Variants in PISD observed in about 807,000 individuals in gnomAD.
The protein encoded by PISD is phosphatidylserine decarboxylase proenzyme, mitochondrial.
A neutral mutation model predicts 43.5 loss-of-function variants in PISD; 31 were observed. The observed-to-expected ratio is 0.71, with a 90% CI of 0.54 to 0.96. PISD has a LOEUF of 0.96. PISD is among the 40% of genes least tolerant of loss of function. PISD has a pLI of 0.00. For missense variants in PISD, 523 were observed against 548.4 expected (o/e 0.95, Z 0.46); for synonymous variants, 259 against 228.7 (o/e 1.13, Z -1.20).
chr22:31,634,459 C>G (rs1487560070), intron 3 of PISD, among the ~76,000 whole-genome samples: 3 of 152,236 alleles, frequency 2.0e-5, no homozygotes, highest in African/African-American at 4.8e-5. Context: ...CCCGGATACC[C>G]CTGGCACATT....
chr22:31,658,537 A>G (rs1384185024), intron 1 of PISD, among the ~76,000 whole-genome samples: 8 of 142,666 alleles, frequency 5.6e-5, no homozygotes, highest in South Asian at 2.1e-4. Flanking sequence ...CATCCTGGTT[A>G]TAAGTTTGTT....
At position 31,618,551 on chromosome 22, in the gene PISD, A is replaced by C. The variant is rs1041426712; in HGVS notation, c.*1061T>G. ...GCAATTAAATGAATTACTGTTCAGA[A>C]GTCTCCCACTTTTCATACAAAAATA... On this transcript the variant is annotated 3_prime_UTR_variant, in exon 8 of 8. Transcript: ENST00000439502. 1.1e-6 allele frequency: 1 copy of C among 917,624 alleles called. No individual in the cohort carries two copies. The highest frequency in any genetic ancestry group is 1.5e-6 in the Non-Finnish European group (1 of 655,696). The allele number at this position is 917,624 out of a possible 1,614,324, so 56.8% of individuals were successfully genotyped here. A position where few individuals can be genotyped will look rare whatever the true frequency, so the allele number is the denominator to read the frequency against.
At chr22:31,641,541 G>A (rs191263201) in intron 3 of PISD, among the ~76,000 whole-genome samples, 17 of 152,290 alleles carry the variant, frequency 1.1e-4, no homozygotes, top group Non-Finnish European at 1.5e-5. Context: ...TTGTGGCCAG[G>A]TGCGGTGGCT....
Position 31,619,710 on chromosome 22 carries a change from A to AGCCCAGGTTGAACTC in PISD, c.1117_1131dup (p.Glu373_Gly377dup). 6.2e-7 allele frequency: 1 copy of AGCCCAGGTTGAACTC among 1,614,204 alleles called. No homozygotes were observed. Among genetic ancestry groups the AGCCCAGGTTGAACTC allele is most frequent in the East Asian group, 2.2e-5 (1 of 44,894 alleles). ...GCCTCGAAGATGAGCACGATGGTGG[A>AGCCCAGGTTGAACTC]GCCCAGGTTGAACTCGCCCAGGTGC... On this transcript the variant is annotated inframe_insertion, in exon 8 of 8. Coordinates refer to ENST00000439502, the MANE Select transcript of PISD (RefSeq NM_001326411.2).
intron 3 of PISD, chr22:31,628,956 C>G (rs1164197301): frequency 2.0e-6 from 2 of 985,284 alleles, no homozygotes; most frequent in African/African-American, 3.5e-5. Context: ...AAAACAGGAA[C>G]CCAAACTTGC....
intron 3 of PISD, among the ~76,000 whole-genome samples, chr22:31,636,664 C>T (rs1013091537): frequency 5.0e-4 from 76 of 152,270 alleles, no homozygotes; most frequent in Non-Finnish European, 9.4e-4. Flanking sequence ...CTCAGCCTCC[C>T]AAGTAGCTGG....
At chr22:31,653,590 G>A (rs2074090753) in intron 1 of PISD, among the ~76,000 whole-genome samples, 1 of 152,306 alleles carries the variant, frequency 6.6e-6, no homozygotes, top group Admixed American at 6.5e-5. Flanking sequence ...CACCGCTGTA[G>A]TCCCAGCTGC....
chr22:31,642,047 G>C (rs1249069800), intron 3 of PISD, among the ~76,000 whole-genome samples: 1 of 150,954 alleles, frequency 6.6e-6, no homozygotes, highest in African/African-American at 2.5e-5. Context: ...TATGTGCAAA[G>C]GTATGCTCTG....
chr22:31,621,915 GA>G, intron 3 of PISD, 30 bp from the exon 4 acceptor site: 2 of 1,523,294 alleles, frequency 1.3e-6, no homozygotes, highest in Non-Finnish European at 1.8e-6. Context: ...GGGCTGAGTT[GA>G]CCACACTGCC....
rs980456360 is a variant in PISD, at chr22:31,618,851, C to T, written c.*761G>A. 3 of 160,698 alleles carry T rather than the reference C, an allele frequency of 1.9e-5. No individual in the cohort carries two copies. Among genetic ancestry groups the T allele is most frequent in the Admixed American group, 6.1e-5 (1 of 16,484 alleles). 10.0% of individuals were successfully genotyped at this position (160,698 alleles called of 1,614,324 possible). A position where few individuals can be genotyped will look rare whatever the true frequency, so the allele number is the denominator to read the frequency against. On this transcript the variant is annotated 3_prime_UTR_variant, in exon 8 of 8. Coordinates refer to ENST00000439502, the MANE Select transcript of PISD (RefSeq NM_001326411.2). Reference sequence around the variant, plus strand: ...GGGGGACAGGAACTCTCCCATTTCCCCAGCTGGGCCTACTACCTGCCTGCC... The same window carrying T: ...GGGGGACAGGAACTCTCCCATTTCCTCAGCTGGGCCTACTACCTGCCTGCC...
At chr22:31,623,626 C>T in intron 3 of PISD, 2 of 1,526,948 alleles carry the variant, frequency 1.3e-6, no homozygotes, top group Non-Finnish European at 1.8e-6. Context: ...CTCCTGCACC[C>T]CAACCTCAGG....
rs1601459719 is a variant in PISD at position 31,657,563 on chromosome 22, C to T, written c.65+4581G>A. Among the ~76,000 whole-genome samples, 5 of 152,188 alleles carry T rather than the reference C, an allele frequency of 3.3e-5. 1 individual carries two copies. Among genetic ancestry groups the T allele is most frequent in the Admixed American group, 3.3e-4 (5 of 15,268 alleles). On this transcript the variant is annotated intron_variant, in intron 1 of 7. Coordinates refer to ENST00000439502, the MANE Select transcript of PISD (RefSeq NM_001326411.2). The stretch of plus-strand genomic sequence containing the variant: ...TTTGAGATGGCATCTTGCTCTGTTG[C>T]CCAGGCTGGAGTGCAATGGCGCAAT...
At chr22:31,634,451 CGGATACCCCT>C (rs2073337912) in intron 3 of PISD, among the ~76,000 whole-genome samples, 1 of 152,196 alleles carries the variant, frequency 6.6e-6, no homozygotes, top group Admixed American at 6.5e-5. Flanking sequence ...CAAGATGTCC[CGGATACCCCT>C]GGCACATTCA....
In PISD at chr22:31,621,121, T is replaced by C. The variant is rs2072538860; in HGVS notation, c.719A>G (p.Lys240Arg). Residue 240 changes from lysine (K) to arginine (R), a missense_variant, in exon 6 of 8, where the codon AAG becomes AGG. Lys to Arg is a conservative substitution (Grantham distance 26). Transcript: ENST00000439502. ...CCCTTCCCGGGTGACCAGCTGGTTC[T>C]TGAAGGAGTCACACGACGCGGCTGT... ...FPPAASCDSF[K>R]NQLVTREGNE... 1.2e-6 allele frequency: 2 copies of C among 1,614,210 alleles called. No homozygotes were observed. The highest frequency in any genetic ancestry group is 1.7e-6 in the Non-Finnish European group (2 of 1,180,034).
intron 3 of PISD, chr22:31,627,971 C>A: frequency 1.0e-6 from 1 of 962,638 alleles, no homozygotes; most frequent in Non-Finnish European, 1.2e-6. Flanking sequence ...AGACTAAGAA[C>A]CATCCTGAGA....
intron 1 of PISD, among the ~76,000 whole-genome samples, chr22:31,661,200 T>A (rs968956069): frequency 2.6e-5 from 4 of 152,172 alleles, no homozygotes; most frequent in African/African-American, 9.6e-5. Flanking sequence ...AGAGTGACGC[T>A]TTCATAACAA....
chr22:31,638,597 C>A, intron 3 of PISD: 3 of 985,230 alleles, frequency 3.0e-6, no homozygotes, highest in Non-Finnish European at 3.6e-6. Flanking sequence ...CAGAGATCTG[C>A]CCCCATCCTT....
intron 3 of PISD, among the ~76,000 whole-genome samples, chr22:31,622,352 T>C (rs1038366945): frequency 2.0e-5 from 3 of 152,216 alleles, no homozygotes; most frequent in African/African-American, 7.2e-5. Context: ...GGAACAAGTC[T>C]ACAGCCCAAA....
At chr22:31,660,499 CA>C (rs886312836) in intron 1 of PISD, among the ~76,000 whole-genome samples, 1 of 151,694 alleles carries the variant, frequency 6.6e-6, no homozygotes, top group African/African-American at 2.4e-5. Context: ...CCCCCACCCC[CA>C]AAAAAAATGC....
Sources: gnomAD v4.1 joint callset for allele counts (sites outside exome capture counted in the v4.1 genomes callset) on GRCh38, gnomAD v4.1.1 for gene constraint, MANE v1.5 for transcripts, NCBI Gene and HGNC (gene_info 2026-07-23, HGNC 2026-07-21) for gene names.